SNAPC1: variants seen among roughly 807,000 people sequenced by gnomAD.
SNAPC1 encodes snRNA-activating protein complex subunit 1.
In SNAPC1, 42 loss-of-function variants were observed where a neutral mutation model predicts 50.1. The ratio of observed to expected loss-of-function variants is 0.84; its 90% CI spans 0.65 to 1.08. The LOEUF (loss-of-function observed/expected upper bound fraction) is 1.08. SNAPC1 is among the 50% of genes least tolerant of loss of function. The pLI, the probability that SNAPC1 is intolerant of heterozygous loss-of-function variation, is 0.00. For synonymous variants in SNAPC1, 164 were observed against 144.2 expected, an observed-to-expected ratio of 1.14 and a Z score of -0.98; for missense variants, 477 against 427.3, an observed-to-expected ratio of 1.12 and a Z score of -1.02.
At chr14:61,763,891 G>T (rs2044928310) in intron 1 of SNAPC1, among the ~76,000 whole-genome samples, 1 of 152,080 alleles carries the variant, frequency 6.6e-6, no homozygotes, top group South Asian at 2.1e-4. Flanking sequence ...TAAATGAGCT[G>T]ATATATCAGA....
At chr14:61,776,010 G>A in intron 4 of SNAPC1, 85 bp from the exon 5 acceptor site, 1 of 997,038 alleles carries the variant, frequency 1.0e-6, no homozygotes, top group Admixed American at 2.9e-5. Flanking sequence ...AAGTCACTTT[G>A]GAAGGTGACT....
intron 8 of SNAPC1, among the ~76,000 whole-genome samples, chr14:61,789,554 A>G (rs973235313): frequency 1.3e-5 from 2 of 152,034 alleles, no homozygotes; most frequent in African/African-American, 4.8e-5. Flanking sequence ...GTAGAAATCC[A>G]AAGACCTTTT....
At position 61,768,624 on chromosome 14, in the gene SNAPC1, A is replaced by T. The variant is rs201451059; in HGVS notation, c.430-12A>T. The T allele has an allele frequency of 2.9e-6, 4 of 1,385,454 alleles. No homozygotes were observed. The Admixed American group carries it at 5.3e-5, about 18-fold the overall frequency. 85.8% of individuals were successfully genotyped at this position (1,385,454 alleles called of 1,614,324 possible). On this transcript the variant is annotated splice_polypyrimidine_tract_variant and intron_variant, in intron 3 of 9. Transcript: ENST00000216294. The stretch of plus-strand genomic sequence containing the variant: ...AAGATACTCATTTAAAAAGACACGT[A>T]TTATCACATAGCTGTCATATAGGAT...
intron 8 of SNAPC1, among the ~76,000 whole-genome samples, chr14:61,789,927 G>C (rs2045140284): frequency 6.6e-6 from 1 of 152,180 alleles, no homozygotes; most frequent in East Asian, 1.9e-4. Context: ...GAGGGCTGTT[G>C]CGGTAGTTCA....
At position 61,795,279 on chromosome 14, in the gene SNAPC1, A is replaced by G; in HGVS notation, c.*296A>G. The G allele has an allele frequency of 6.4e-6, 2 of 314,942 alleles. No homozygotes were observed. Among genetic ancestry groups the G allele is most frequent in the South Asian group, 8.7e-5 (2 of 22,916 alleles). 19.5% of individuals were successfully genotyped at this position (314,942 alleles called of 1,614,324 possible). On this transcript the variant is annotated 3_prime_UTR_variant, in exon 10 of 10. Coordinates refer to ENST00000216294, the MANE Select transcript of SNAPC1 (RefSeq NM_003082.4). ...TTACTATTTCCTATAAGGTTTTGTG[A>G]TACTATACTGTCCTAATACAGTCTG...
intron 1 of SNAPC1, among the ~76,000 whole-genome samples, chr14:61,763,921 A>C (rs1046625292): frequency 6.6e-6 from 1 of 152,186 alleles, no homozygotes; most frequent in South Asian, 2.1e-4. Context: ...TAAGTGCTCA[A>C]TAAATGTTCA....
In SNAPC1 at chr14:61,767,275, C is replaced by T. The variant is rs764423690; in HGVS notation, c.352C>T (p.Gln118Ter). ...LKFQQDLVNA[Q>*]HFDAAYIFRK... ...ATTTCAGCAAGATTTAGTAAATGCACAGCATTTTGATGCAGCTTATATTTT... is the reference window on the plus strand; with the variant it reads ...ATTTCAGCAAGATTTAGTAAATGCATAGCATTTTGATGCAGCTTATATTTT... The change falls in exon 3 of 10, where the codon CAG (glutamine) becomes TAG (stop). Residue 118 changes from glutamine to a stop codon, truncating the protein, a stop_gained. Coordinates refer to ENST00000216294, the MANE Select transcript of SNAPC1 (RefSeq NM_003082.4). LOFTEE classifies it high-confidence loss of function. The T allele has an allele frequency of 2.6e-6, 4 of 1,532,806 alleles. No individual in the cohort carries two copies. 95.0% of individuals were successfully genotyped at this position (1,532,806 alleles called of 1,614,324 possible).
Position 61,766,865 on chromosome 14 carries a change from C to T in SNAPC1, c.129-11C>T, listed in dbSNP as rs1204333123. On this transcript the variant is annotated splice_polypyrimidine_tract_variant and intron_variant, in intron 1 of 9. Coordinates refer to ENST00000216294, the MANE Select transcript of SNAPC1 (RefSeq NM_003082.4). ...TAATGAGTCGTAATATATTTTCTCT[C>T]TGTTTATTAGTGGCAGAATGAGAAA... 1.2e-5 allele frequency: 18 copies of T among 1,560,694 alleles called. No homozygotes were observed. The South Asian group carries it at 1.9e-4, about 16-fold the overall frequency.
At chr14:61,784,779 C>T (rs146573115) in intron 8 of SNAPC1, among the ~76,000 whole-genome samples, 106 of 152,214 alleles carry the variant, frequency 7.0e-4, no homozygotes, top group African/African-American at 2.5e-3. Context: ...TTACAAAGTG[C>T]CTCATGTTCA....
Position 61,785,737 on chromosome 14 carries a change from T to A in SNAPC1, c.976+3340T>A, listed in dbSNP as rs78965663. Among the ~76,000 whole-genome samples the A allele has an allele frequency of 5.3e-3, 803 of 152,324 alleles. 30 individuals carry two copies. The East Asian group carries it at 0.11, about 21-fold the overall frequency. On this transcript the variant is annotated intron_variant, in intron 8 of 9. Transcript: ENST00000216294. ...AGGTAAGACAAAAAGTTGGATTTTT[T>A]GAGTCTTTGATGGCCTTCCACCTAA...
Position 61,782,313 on chromosome 14 carries a change from C to A in SNAPC1, c.892C>A (p.Gln298Lys). ...DSSDSDSASG[Q>K]GQVKATRKKE... ...TTCTGACTCTGATTCTGCATCTGGT[C>A]AAGGGCAAGTCAAAGCAACTAGGAA... is the stretch of plus-strand genomic sequence containing the variant. Residue 298 changes from glutamine (Q) to lysine (K), a missense_variant, in exon 8 of 10, where the codon CAA becomes AAA. Gln to Lys is a moderately conservative substitution (Grantham distance 53). Transcript: ENST00000216294. 6.2e-7 allele frequency: 1 copy of A among 1,612,962 alleles called. No individual in the cohort carries two copies.
intron 7 of SNAPC1, among the ~76,000 whole-genome samples, chr14:61,781,749 T>G (rs1481929357): frequency 6.6e-6 from 1 of 152,180 alleles, no homozygotes; most frequent in Non-Finnish European, 1.5e-5. Flanking sequence ...AGTTAGACAA[T>G]TCCAAAATAG....
In SNAPC1 at chr14:61,778,902, G is replaced by A. The variant is rs754997309; in HGVS notation, c.817G>A (p.Val273Ile). 34 of 1,529,832 alleles carry A rather than the reference G, an allele frequency of 2.2e-5. No individual in the cohort carries two copies. Among genetic ancestry groups the A allele is most frequent in the Non-Finnish European group, 2.6e-5 (29 of 1,129,706 alleles). The allele number at this position is 1,529,832 out of a possible 1,614,324, so 94.8% of individuals were successfully genotyped here. Residue 273 changes from valine to isoleucine, a missense_variant, in exon 7 of 10, where the codon GTC becomes ATC. Coordinates refer to ENST00000216294, the MANE Select transcript of SNAPC1 (RefSeq NM_003082.4). Reference protein sequence around the residue: ...AKIKSKAFSVVIQASKSRRHR... With the variant: ...AKIKSKAFSVIIQASKSRRHR... ...AATAAAATCAAAGGCCTTTTCAGTT[G>A]TCATACAGGTAAGTTATTCTTTAAT...
intron 8 of SNAPC1, among the ~76,000 whole-genome samples, chr14:61,785,978 C>G (rs781024931): frequency 3.3e-5 from 5 of 152,156 alleles, no homozygotes; most frequent in Non-Finnish European, 7.3e-5. Context: ...TCCTCTCACA[C>G]TGCTAAAGAA....
At chr14:61,778,274 T>C in intron 6 of SNAPC1, 134 bp downstream of exon 6, 1 of 544,352 alleles carries the variant, frequency 1.8e-6, no homozygotes, top group Admixed American at 4.0e-5. Context: ...AGTTTGTTCT[T>C]TACTGGAAGC....
intron 7 of SNAPC1, among the ~76,000 whole-genome samples, chr14:61,780,188 C>A (rs2045062025): frequency 6.6e-6 from 1 of 152,162 alleles, no homozygotes; most frequent in South Asian, 2.1e-4. Context: ...ATAAGCCCAG[C>A]TGCCAATGTT....
intron 8 of SNAPC1, among the ~76,000 whole-genome samples, chr14:61,782,918 A>C (rs768360367): frequency 2.0e-5 from 3 of 149,266 alleles, no homozygotes; most frequent in Non-Finnish European, 4.5e-5. Flanking sequence ...AACAAACAAA[A>C]AAAGAAATTT....
intron 3 of SNAPC1, among the ~76,000 whole-genome samples, chr14:61,768,202 T>C (rs927375927): frequency 7.2e-5 from 11 of 152,402 alleles, no homozygotes; most frequent in African/African-American, 2.4e-4. Context: ...GCGAACTGTT[T>C]TGAGAACAAA....
At chr14:61,789,230 C>CA (rs57065160) in intron 8 of SNAPC1, among the ~76,000 whole-genome samples, 21,682 of 104,436 alleles carry the variant, frequency 0.21, 1,950 homozygotes, top group South Asian at 0.4. Flanking sequence ...GACTCCATCT[C>CA]AAAAAAAAAA....
Sources: gnomAD v4.1 joint callset for allele counts (sites outside exome capture counted in the v4.1 genomes callset) on GRCh38, gnomAD v4.1.1 for gene constraint, MANE v1.5 for transcripts, NCBI Gene and HGNC (gene_info 2026-07-23, HGNC 2026-07-21) for gene names.